The following CCNY variants were observed in gnomAD, a reference collection of about 807,000 sequenced individuals.
CCNY encodes cyclin Y, also known as cyclin-Y.
A neutral mutation model predicts 42.8 loss-of-function variants in CCNY; 19 were observed. The ratio of observed to expected loss-of-function variants is 0.44; its 90% CI spans 0.31 to 0.65. The LOEUF (loss-of-function observed/expected upper bound fraction) is 0.65, where lower values mean the gene tolerates loss of function less well. Ranked by LOEUF, CCNY falls within the 30% of genes least tolerant of loss-of-function variation. CCNY has a pLI of 0.07. For synonymous variants in CCNY, 165 were observed against 162.7 expected (o/e 1.01, Z -0.11); for missense variants, 370 against 437.3 (o/e 0.85, Z 1.37).
At chr10:35,376,480 C>G (rs1837054791) in intron 1 of CCNY, among the ~76,000 whole-genome samples, 1 of 152,156 alleles carries the variant, frequency 6.6e-6, no homozygotes, top group African/African-American at 2.4e-5. Context: ...TTGAGCATTC[C>G]TAATCTGAAA....
chr10:35,479,317 T>TG (rs1839600598), intron 1 of CCNY, among the ~76,000 whole-genome samples: 2 of 151,024 alleles, frequency 1.3e-5, no homozygotes, highest in Non-Finnish European at 2.9e-5. Flanking sequence ...GTATGTTTAT[T>TG]GCGGCATTAT....
chr10:35,420,298 C>G (rs1838132362), intron 1 of CCNY, among the ~76,000 whole-genome samples: 1 of 152,122 alleles, frequency 6.6e-6, no homozygotes, highest in Admixed American at 6.6e-5. Flanking sequence ...ATGTTGTTTG[C>G]TTTGGTGAGC....
chr10:35,483,201 G>A (rs1217399988), intron 1 of CCNY, among the ~76,000 whole-genome samples: 1 of 152,196 alleles, frequency 6.6e-6, no homozygotes, highest in Admixed American at 6.5e-5. Flanking sequence ...CTAGCCAACT[G>A]TCTAATTTTT....
At chr10:35,372,830 G>C (rs1462507775) in intron 1 of CCNY, among the ~76,000 whole-genome samples, 1 of 152,174 alleles carries the variant, frequency 6.6e-6, no homozygotes, top group Non-Finnish European at 1.5e-5. Flanking sequence ...CTCCCGAGCA[G>C]CTGGCGTTAC....
rs1841642113 is a variant in CCNY, at chr10:35,569,448, T to A, written c.*278T>A. 2.2e-6 allele frequency: 1 copy of A among 462,112 alleles called. No homozygotes were observed. 28.6% of individuals were successfully genotyped at this position (462,112 alleles called of 1,614,324 possible). A position where few individuals can be genotyped will look rare whatever the true frequency, so the allele number is the denominator to read the frequency against. The stretch of plus-strand genomic sequence containing the variant: ...AGGAGGAAATAAAGGGAAAGGGAAG[T>A]CGTGGAGAGGCAGGGAAAATGGTTA... On this transcript the variant is annotated 3_prime_UTR_variant, in exon 10 of 10. Transcript: ENST00000374704.
rs751774596 is a variant in CCNY, at chr10:35,482,749, G to GGGGT, written c.155-654_155-653insGGTG. On this transcript the variant is annotated intron_variant, in intron 1 of 9. Transcript: ENST00000374704. ...GATTTCTCAAGGGAAGCTGGAAATA[G>GGGGT]GTGTGTGTGTGTGTGTGTGTGTGTG... Among the ~76,000 whole-genome samples, 21 of 128,942 alleles carry GGGGT rather than the reference G, an allele frequency of 1.6e-4. No homozygotes were observed. In the South Asian group the frequency reaches 4.0e-3, roughly 24 times the overall value. 84.6% of individuals were successfully genotyped at this position (128,942 alleles called of 152,430 possible). A position where few individuals can be genotyped will look rare whatever the true frequency, so the allele number is the denominator to read the frequency against.
intron 1 of CCNY, among the ~76,000 whole-genome samples, chr10:35,480,258 A>C (rs1348562433): frequency 6.6e-6 from 1 of 152,122 alleles, no homozygotes; most frequent in African/African-American, 2.4e-5. Context: ...CTTGGCCATG[A>C]AGGAAACGTG....
At position 35,572,518 on chromosome 10, in the gene CCNY, G is replaced by A. The variant is rs1177298929; in HGVS notation, c.*3348G>A. On this transcript the variant is annotated 3_prime_UTR_variant, in exon 10 of 10. Coordinates refer to ENST00000374704, the MANE Select transcript of CCNY (RefSeq NM_145012.6). ...TGGTCTCAAACTCCTGACCTCAAGT[G>A]ATCCACCCCCCTCAGCCTCCCAAAG... 6.6e-6 allele frequency: 1 copy of A among 152,064 alleles called. No individual in the cohort carries two copies. Among genetic ancestry groups the A allele is most frequent in the Non-Finnish European group, 1.5e-5 (1 of 68,028 alleles). The allele number at this position is 152,064 out of a possible 1,614,324, so 9.4% of individuals were successfully genotyped here. A position where few individuals can be genotyped will look rare whatever the true frequency, so the allele number is the denominator to read the frequency against.
intron 1 of CCNY, among the ~76,000 whole-genome samples, chr10:35,377,116 C>T (rs569370383): frequency 5.3e-5 from 8 of 152,112 alleles, no homozygotes; most frequent in East Asian, 1.9e-4. Context: ...AAATTCCTAT[C>T]GCTGAGTGTT....
chr10:35,529,620 T>G (rs1840722507), intron 5 of CCNY, among the ~76,000 whole-genome samples: 1 of 151,992 alleles, frequency 6.6e-6, no homozygotes, highest in Non-Finnish European at 1.5e-5. Flanking sequence ...CCCAGAACTT[T>G]GGGAGGACAA....
At chr10:35,545,938 TTTG>T (rs1841106234) in intron 7 of CCNY, among the ~76,000 whole-genome samples, 2 of 152,148 alleles carry the variant, frequency 1.3e-5, no homozygotes, top group Admixed American at 6.5e-5. Flanking sequence ...TTAAATTATT[TTTG>T]TTGGCCATAA....
At chr10:35,369,658 C>T (rs1836885942) in intron 1 of CCNY, among the ~76,000 whole-genome samples, 1 of 152,160 alleles carries the variant, frequency 6.6e-6, no homozygotes, top group African/African-American at 2.4e-5. Flanking sequence ...GAGCCGGCCA[C>T]TTAAGTGAGC....
chr10:35,446,770 C>T (rs1466111031), intron 1 of CCNY, among the ~76,000 whole-genome samples: 1 of 152,190 alleles, frequency 6.6e-6, no homozygotes, highest in Non-Finnish European at 1.5e-5. Context: ...ATCTGTGGGG[C>T]TGATGGCCCT....
At chr10:35,509,489 T>A (rs1840279042) in intron 3 of CCNY, among the ~76,000 whole-genome samples, 1 of 152,178 alleles carries the variant, frequency 6.6e-6, no homozygotes, top group Non-Finnish European at 1.5e-5. Context: ...TTGGCCAGGC[T>A]GGTCTCAAAC....
At chr10:35,289,902 C>T (rs1835392184) in intron 3 of CCNY, among the ~76,000 whole-genome samples, 3 of 149,006 alleles carry the variant, frequency 2.0e-5, no homozygotes, top group African/African-American at 7.4e-5. Flanking sequence ...AAAAAAGTTC[C>T]TTCAATTATT....
chr10:35,559,010 A>G (rs1471195194), intron 8 of CCNY, among the ~76,000 whole-genome samples: 7 of 152,236 alleles, frequency 4.6e-5, no homozygotes, highest in African/African-American at 1.7e-4. Context: ...TGCATATTAG[A>G]AAAACCCAAG....
chr10:35,549,225 C>A (rs1841189413), intron 7 of CCNY, among the ~76,000 whole-genome samples: 1 of 151,638 alleles, frequency 6.6e-6, no homozygotes, highest in Admixed American at 6.6e-5. Flanking sequence ...GCAAAATAAG[C>A]CACAAGGAAG....
At chr10:35,310,780 C>T (rs779122341) in intron 3 of CCNY, among the ~76,000 whole-genome samples, 15 of 152,158 alleles carry the variant, frequency 9.9e-5, no homozygotes, top group Non-Finnish European at 2.2e-4. Flanking sequence ...TTAAATTATA[C>T]ATACACACTA....
chr10:35,257,287 C>CTCTCTCTCTT (rs1401238977), intron 3 of CCNY, among the ~76,000 whole-genome samples: 1 of 122,394 alleles, frequency 8.2e-6, no homozygotes, highest in East Asian at 2.6e-4. Flanking sequence ...TCCTTTCTTT[C>CTCTCTCTCTT]TCTCTCTCTT....
Sources: gnomAD v4.1 joint callset for allele counts (sites outside exome capture counted in the v4.1 genomes callset) on GRCh38, gnomAD v4.1.1 for gene constraint, MANE v1.5 for transcripts, NCBI Gene and HGNC (gene_info 2026-07-23, HGNC 2026-07-21) for gene names.